The following DACH1 variants were observed in gnomAD, a reference collection of about 807,000 sequenced individuals.
DACH1 encodes the protein dachshund homolog 1.
Under a neutral mutation model 54.2 loss-of-function variants are expected in DACH1, and 12 were observed. That is an observed-to-expected ratio of 0.22 (90% CI 0.14 to 0.36). DACH1 has a LOEUF of 0.36. Among genes scored for constraint, DACH1 ranks in the 10% least tolerant of loss-of-function variants. The pLI, the probability that DACH1 is intolerant of heterozygous loss-of-function variation, is 1.00. For missense variants in DACH1, 805 were observed against 929.8 expected, an observed-to-expected ratio of 0.87 and a Z score of 1.75; for synonymous variants, 386 against 366.2, an observed-to-expected ratio of 1.05 and a Z score of -0.62.
rs770762484 is a variant in DACH1, at chr13:71,866,572, C to T, written c.198G>A (p.Ala66=). The change falls in exon 1 of 11, where the codon GCG becomes GCA. Residue 66 remains alanine, a synonymous_variant. Transcript: ENST00000613252. ...RPEPIASAAA[A]AATVTSTGGG... is the part of the protein sequence containing the mutation. ...CGCCGGTAGAGGTGACTGTGGCCGC[C>T]GCCGCCGCCGCCGAAGCGATGGGCT... The T allele has an allele frequency of 1.5e-5, 19 of 1,271,400 alleles. No individual in the cohort carries two copies. The highest frequency in any genetic ancestry group is 1.8e-5 in the Non-Finnish European group (18 of 1,005,394). 78.8% of individuals were successfully genotyped at this position (1,271,400 alleles called of 1,614,324 possible). A position where few individuals can be genotyped will look rare whatever the true frequency, so the allele number is the denominator to read the frequency against.
intron 1 of DACH1, among the ~76,000 whole-genome samples, chr13:71,812,195 C>T (rs1202720177): frequency 1.3e-5 from 2 of 152,190 alleles, no homozygotes; most frequent in South Asian, 2.1e-4. Context: ...GTTTTGTTTG[C>T]ATTTTAATAA....
chr13:71,517,801 A>T (rs1056677832), intron 6 of DACH1, among the ~76,000 whole-genome samples: 4 of 151,864 alleles, frequency 2.6e-5, no homozygotes, highest in African/African-American at 9.7e-5. Context: ...CAGGTCAAAA[A>T]TCAATCTCTA....
In DACH1 at chr13:71,557,024, CT is replaced by C; in HGVS notation, c.1569del (p.Asp524MetfsTer19). 6.3e-7 allele frequency: 1 copy of C among 1,595,100 alleles called. No individual in the cohort carries two copies. Among genetic ancestry groups the C allele is most frequent in the East Asian group, 2.3e-5 (1 of 43,702 alleles). Reference protein sequence around the residue: ...GHESKRMHIEKDETPLSTPTA... With the variant: ...GHESKRMHIEXDETPLSTPTA... ...CAAGGAATATATAATCATACATTAC[CT>C]TTTTCAATATGCATCCTTTTTGACT... On this transcript the variant is annotated frameshift_variant and splice_region_variant, in exon 6 of 11. Coordinates refer to ENST00000613252, the MANE Select transcript of DACH1 (RefSeq NM_080759.6). LOFTEE classifies it high-confidence loss of function.
intron 6 of DACH1, among the ~76,000 whole-genome samples, chr13:71,525,801 T>G (rs565331835): frequency 6.6e-6 from 1 of 152,236 alleles, no homozygotes; most frequent in East Asian, 1.9e-4. Flanking sequence ...GAATGAAGCT[T>G]AAAGATTGGA....
At chr13:71,561,477 T>G (rs578056176) in intron 4 of DACH1, among the ~76,000 whole-genome samples, 30 of 152,238 alleles carry the variant, frequency 2.0e-4, no homozygotes, top group South Asian at 6.2e-4. Flanking sequence ...GAGATTAAAC[T>G]TGTGCAGCTT....
At position 71,866,034 on chromosome 13, in the gene DACH1, C is replaced by T; in HGVS notation, c.736G>A (p.Glu246Lys). 1 of 1,613,744 alleles carries T rather than the reference C, an allele frequency of 6.2e-7. No individual in the cohort carries two copies. Among genetic ancestry groups the T allele is most frequent in the Non-Finnish European group, 8.5e-7 (1 of 1,179,924 alleles). ...LEITPVVCNV[E>K]QVRILRGLGA... Reference sequence around the variant, plus strand: ...AGTCCCCTCAGGATGCGAACTTGTTCCACATTGCACACCACCGGCGTGATC... The same window carrying T: ...AGTCCCCTCAGGATGCGAACTTGTTTCACATTGCACACCACCGGCGTGATC... The change falls in exon 1 of 11, where the codon GAA becomes AAA. Residue 246 changes from glutamate to lysine, a missense_variant. By Grantham distance (56) the Glu-to-Lys change is moderately conservative. Coordinates refer to ENST00000613252, the MANE Select transcript of DACH1 (RefSeq NM_080759.6).
chr13:71,564,959 T>A (rs1178436682), intron 4 of DACH1, among the ~76,000 whole-genome samples: 1 of 152,138 alleles, frequency 6.6e-6, no homozygotes, highest in Non-Finnish European at 1.5e-5. Flanking sequence ...TCTTGCTCTG[T>A]CACCCAGGCT....
chr13:71,691,382 C>T (rs1232802330), intron 1 of DACH1, among the ~76,000 whole-genome samples: 2 of 152,208 alleles, frequency 1.3e-5, no homozygotes, highest in Non-Finnish European at 2.9e-5. Context: ...TGATCTAACT[C>T]TTTTAATACT....
At chr13:71,548,596 A>ATTGTTAATTACTAT (rs1410704502) in intron 6 of DACH1, among the ~76,000 whole-genome samples, 4 of 152,126 alleles carry the variant, frequency 2.6e-5, no homozygotes, top group Non-Finnish European at 4.4e-5. Flanking sequence ...CCACTAAACA[A>ATTGTTAATTACTAT]TGTTGGATTG....
intron 7 of DACH1, among the ~76,000 whole-genome samples, chr13:71,486,813 T>A (rs1031162855): frequency 2.8e-4 from 1 of 3,564 alleles, no homozygotes; most frequent in East Asian, 0.042. Flanking sequence ...TTTATTTATT[T>A]ATCTATCTAT....
chr13:71,495,497 G>C (rs1208529041), intron 6 of DACH1, among the ~76,000 whole-genome samples: 2 of 151,942 alleles, frequency 1.3e-5, no homozygotes, highest in African/African-American at 4.8e-5. Context: ...ATAGATTAAG[G>C]GTTGGTGCCT....
Position 71,647,915 on chromosome 13 carries a change from C to G in DACH1, c.965-17198G>C, listed in dbSNP as rs191758964. ...ACAGTTAACCTGCAACTCCTAGTTT[C>G]AGAGGATAATATCATTGTTGTTTTC... On this transcript the variant is annotated intron_variant, in intron 2 of 10. Transcript: ENST00000613252. Among the ~76,000 whole-genome samples the G allele has an allele frequency of 1.2e-3, 176 of 152,332 alleles. 3 individuals carry two copies. The highest frequency in any genetic ancestry group is 9.5e-3 in the Admixed American group (146 of 15,304).
At chr13:71,573,192 G>A (rs1885322777) in intron 3 of DACH1, among the ~76,000 whole-genome samples, 180 bp from the exon 4 acceptor site, 1 of 152,030 alleles carries the variant, frequency 6.6e-6, no homozygotes, top group Non-Finnish European at 1.5e-5. Context: ...TGGTGCCCTG[G>A]TTTATCATTT....
At chr13:71,817,413 G>C (rs990566934) in intron 1 of DACH1, among the ~76,000 whole-genome samples, 6 of 152,196 alleles carry the variant, frequency 3.9e-5, no homozygotes, top group African/African-American at 1.4e-4. Context: ...GATCCTGCCA[G>C]TTGATGTATT....
chr13:71,621,356 A>C (rs1876223408), intron 3 of DACH1, among the ~76,000 whole-genome samples: 1 of 152,066 alleles, frequency 6.6e-6, no homozygotes, highest in Non-Finnish European at 1.5e-5. Flanking sequence ...ATAGAGATGG[A>C]AATATTATTA....
At chr13:71,646,174 TA>T (rs1220131230) in intron 2 of DACH1, among the ~76,000 whole-genome samples, 1 of 151,678 alleles carries the variant, frequency 6.6e-6, no homozygotes, top group African/African-American at 2.4e-5. Context: ...CCATCTCTAG[TA>T]AAAATACAAA....
chr13:71,561,118 G>A (rs911325031), intron 4 of DACH1, among the ~76,000 whole-genome samples: 3 of 152,102 alleles, frequency 2.0e-5, no homozygotes, highest in East Asian at 1.9e-4. Context: ...AATGATGATC[G>A]TGCTCATCTT....
chr13:71,840,826 C>T (rs923288888), intron 1 of DACH1, among the ~76,000 whole-genome samples: 8 of 152,120 alleles, frequency 5.3e-5, no homozygotes, highest in African/African-American at 1.9e-4. Context: ...TGTCTTTAAG[C>T]TTAGATTTCC....
intron 6 of DACH1, among the ~76,000 whole-genome samples, chr13:71,538,402 C>CA (rs113798956): frequency 0.12 from 18,886 of 151,128 alleles, 2,742 homozygotes; most frequent in African/African-American, 0.35. Context: ...ATTACTTCAT[C>CA]AAAATGATTT....
Sources: allele counts gnomAD v4.1 joint callset (sites outside exome capture counted in the v4.1 genomes callset), GRCh38; gene constraint gnomAD v4.1.1; transcripts MANE v1.5; gene names NCBI Gene and HGNC (gene_info 2026-07-23, HGNC 2026-07-21).